DDX60: variants seen among roughly 807,000 people sequenced by gnomAD.
DDX60 encodes DExD/H-box helicase 60, also known as probable ATP-dependent RNA helicase DDX60.
A neutral mutation model predicts 212.8 loss-of-function variants in DDX60; 165 were observed. That is an observed-to-expected ratio of 0.78 (90% CI 0.68 to 0.88). DDX60 has a LOEUF of 0.88. Among genes scored for constraint, DDX60 ranks in the 40% least tolerant of loss-of-function variants. The pLI is 0.00. For synonymous variants in DDX60, 703 were observed against 685.3 expected (o/e 1.03, Z -0.40); for missense variants, 1,905 against 2,003.9 (o/e 0.95, Z 0.94).
intron 30 of DDX60, among the ~76,000 whole-genome samples, chr4:168,238,755 T>C (rs967597686): frequency 6.6e-6 from 1 of 152,128 alleles, no homozygotes; most frequent in Non-Finnish European, 1.5e-5. Context: ...ATTAAAGTCA[T>C]ACTAAGATTA....
rs70961508 is a variant in DDX60, at chr4:168,297,297, C to CGAAAGAAA, written c.724-3360_724-3353dup. On this transcript the variant is annotated intron_variant, in intron 6 of 37. Transcript: ENST00000393743. ...AGAAAGAAAGAAAGAGAGAGAGAGACGAAAGAAAGAAAGAAAGAAAGAAAG... is the reference window on the plus strand; with the variant it reads ...AGAAAGAAAGAAAGAGAGAGAGAGACGAAAGAAAGAAAGAAAGAAAGAAAGAAAGAAAG... Among the ~76,000 whole-genome samples the CGAAAGAAA allele has an allele frequency of 4.9e-3, 330 of 67,452 alleles. 13 individuals are homozygous for CGAAAGAAA. Among genetic ancestry groups the CGAAAGAAA allele is most frequent in the East Asian group, 7.3e-3 (17 of 2,326 alleles). 44.3% of individuals were successfully genotyped at this position (67,452 alleles called of 152,430 possible).
At chr4:168,290,444 G>A (rs1410019618) in intron 8 of DDX60, among the ~76,000 whole-genome samples, 13 of 149,638 alleles carry the variant, frequency 8.7e-5, no homozygotes, top group East Asian at 2.0e-4. Flanking sequence ...TTCTCCCGCC[G>A]CAGCCTCCCG....
Position 168,224,170 on chromosome 4 carries a change from T to C in DDX60, c.4824+73A>G, listed in dbSNP as rs899916509. On this transcript the variant is annotated intron_variant, in intron 35 of 37. Transcript: ENST00000393743. ...TTAAGCTGGGAAATTCGAAGTTCTT[T>C]CTAAGCTGCCTAGCAATATAAATCC... 3.2e-6 allele frequency: 5 copies of C among 1,547,078 alleles called. No individual in the cohort carries two copies. The African/African-American group carries it at 6.9e-5, about 21-fold the overall frequency.
At position 168,311,955 on chromosome 4, in the gene DDX60, T is replaced by A. The variant is rs145098624; in HGVS notation, c.-106-590A>T. ...GCTACAATATAGAGAATAAACAGGA[T>A]GGGAGTAAGCTTCTTAGTAGAGCAG... On this transcript the variant is annotated intron_variant, in intron 1 of 37. Coordinates refer to ENST00000393743, the MANE Select transcript of DDX60 (RefSeq NM_017631.6). 1.2e-4 allele frequency among the ~76,000 whole-genome samples: 18 copies of A among 152,302 alleles called. No homozygotes were observed. In the East Asian group the frequency reaches 3.5e-3, roughly 29 times the overall value.
At chr4:168,273,901 T>C (rs189722360) in intron 17 of DDX60, 33 bp downstream of exon 17, 2 of 1,590,710 alleles carry the variant, frequency 1.3e-6, no homozygotes, top group Admixed American at 3.5e-5. Flanking sequence ...GGTTCAGGAA[T>C]GAAAGAGAAT....
chr4:168,221,116 G>A (rs1733036321), intron 36 of DDX60, among the ~76,000 whole-genome samples: 1 of 152,092 alleles, frequency 6.6e-6, no homozygotes, highest in Non-Finnish European at 1.5e-5. Flanking sequence ...TTTGAAGAGT[G>A]TCAGATATTT....
intron 4 of DDX60, among the ~76,000 whole-genome samples, chr4:168,307,537 G>A (rs968610705): frequency 6.6e-6 from 1 of 152,008 alleles, no homozygotes; most frequent in Non-Finnish European, 1.5e-5. Flanking sequence ...TCAAACTCCT[G>A]GGCTCAAGTA....
At chr4:168,267,316 C>T (rs556814767) in intron 22 of DDX60, among the ~76,000 whole-genome samples, 4 of 152,226 alleles carry the variant, frequency 2.6e-5, no homozygotes, top group Non-Finnish European at 4.4e-5. Context: ...CCAAAGAAAA[C>T]ATCCGAGAAT....
chr4:168,301,004 G>A (rs1390791761), intron 6 of DDX60, among the ~76,000 whole-genome samples: 1 of 151,918 alleles, frequency 6.6e-6, no homozygotes, highest in Non-Finnish European at 1.5e-5. Flanking sequence ...TACAACATTG[G>A]GTGATGGGTA....
At chr4:168,246,149 T>C (rs1431968528) in intron 30 of DDX60, among the ~76,000 whole-genome samples, 3 of 152,186 alleles carry the variant, frequency 2.0e-5, no homozygotes, top group Non-Finnish European at 4.4e-5. Flanking sequence ...TTAACTATTA[T>C]AGGACACTGC....
intron 22 of DDX60, among the ~76,000 whole-genome samples, chr4:168,263,932 C>T (rs1174177840): frequency 1.3e-5 from 2 of 152,140 alleles, no homozygotes; most frequent in East Asian, 1.9e-4. Context: ...GGATTTCTCA[C>T]TGGAAATGTT....
rs989179636 is a variant in DDX60, at chr4:168,286,833, T to C, written c.1339+215A>G. On this transcript the variant is annotated intron_variant, in intron 10 of 37. Coordinates refer to ENST00000393743, the MANE Select transcript of DDX60 (RefSeq NM_017631.6). ...ATATATATCTGGCTGTGTTTTTTAA[T>C]TGAAACAATATTAATTATAAGCAAA... Among the ~76,000 whole-genome samples, 3 of 152,188 alleles carry C rather than the reference T, an allele frequency of 2.0e-5. No homozygotes were observed. The South Asian group carries it at 6.2e-4, about 31-fold the overall frequency.
At chr4:168,272,554 G>T (rs1186003387) in intron 18 of DDX60, among the ~76,000 whole-genome samples, 2 of 152,242 alleles carry the variant, frequency 1.3e-5, no homozygotes, top group Non-Finnish European at 2.9e-5. Context: ...TGCAAGGCAG[G>T]CCTGATGGAG....
chr4:168,278,621 G>A (rs765354169), intron 14 of DDX60, among the ~76,000 whole-genome samples: 8 of 152,178 alleles, frequency 5.3e-5, no homozygotes, highest in African/African-American at 7.2e-5. Flanking sequence ...TCAAGAGATC[G>A]ATGATCCTGG....
intron 4 of DDX60, 69 bp downstream of exon 4, chr4:168,307,937 T>C (rs1049334086): frequency 1.1e-6 from 1 of 882,602 alleles, no homozygotes; most frequent in East Asian, 3.4e-5. Flanking sequence ...GAAAAATATA[T>C]ATATAATAAT....
intron 33 of DDX60, among the ~76,000 whole-genome samples, chr4:168,234,281 T>C (rs1228466333): frequency 1.3e-5 from 2 of 152,094 alleles, no homozygotes; most frequent in Non-Finnish European, 2.9e-5. Flanking sequence ...CTATTATCTT[T>C]TTGAATACTC....
intron 30 of DDX60, among the ~76,000 whole-genome samples, chr4:168,245,695 CAGAA>C (rs1733996533): frequency 6.6e-6 from 1 of 152,064 alleles, no homozygotes; most frequent in Admixed American, 6.5e-5. Context: ...TATACAAAAA[CAGAA>C]AGAACAGGTA....
intron 4 of DDX60, 133 bp from the exon 5 acceptor site, chr4:168,306,853 C>G: frequency 1.5e-6 from 1 of 673,268 alleles, no homozygotes; most frequent in Non-Finnish European, 2.5e-6. Flanking sequence ...GGGGAATAGA[C>G]CCCTAAACTT....
chr4:168,280,725 T>C, intron 13 of DDX60, 135 bp from the exon 14 acceptor site: 11 of 1,038,326 alleles, frequency 1.1e-5, no homozygotes, highest in Non-Finnish European at 1.3e-5. Flanking sequence ...GAAAAATTTC[T>C]TTTTTTCTTT....
Sources: allele counts gnomAD v4.1 joint callset (sites outside exome capture counted in the v4.1 genomes callset), GRCh38; gene constraint gnomAD v4.1.1; transcripts MANE v1.5; gene names NCBI Gene and HGNC (gene_info 2026-07-23, HGNC 2026-07-21).